TPO: variants seen among roughly 807,000 people sequenced by gnomAD.
TPO encodes the protein thyroid microsomal antigen.
A neutral mutation model predicts 96.9 loss-of-function variants in TPO; 78 were observed. The observed-to-expected ratio is 0.81, with a 90% CI of 0.67 to 0.97. The LOEUF is 0.97. Among genes scored for constraint, TPO ranks in the 50% least tolerant of loss-of-function variants. The probability of loss-of-function intolerance (pLI) is 0.00; values close to 1 mark genes in which losing one functional copy is unlikely to be tolerated. For synonymous variants in TPO, 547 were observed against 538.0 expected (o/e 1.02, Z -0.23); for missense variants, 1,252 against 1,274.8 (o/e 0.98, Z 0.27).
chr2:1,536,776 T>C (rs1277419395), intron 15 of TPO, among the ~76,000 whole-genome samples: 8 of 79,054 alleles, frequency 1.0e-4, no homozygotes, highest in African/African-American at 3.4e-4. Flanking sequence ...CTCTGTGTAA[T>C]CTCCCCAAAT....
intron 5 of TPO, among the ~76,000 whole-genome samples, chr2:1,453,457 T>A (rs539808452): frequency 2.3e-4 from 35 of 152,124 alleles, no homozygotes; most frequent in African/African-American, 7.7e-4. Flanking sequence ...CCAGACAGCA[T>A]GTGCTGAGCT....
intron 7 of TPO, among the ~76,000 whole-genome samples, chr2:1,465,645 A>AT (rs964729349): frequency 6.6e-6 from 1 of 150,980 alleles, no homozygotes. Context: ...TAAGTATTTT[A>AT]TTTTTTTCAG....
intron 2 of TPO, among the ~76,000 whole-genome samples, chr2:1,422,458 A>G (rs566272078): frequency 2.8e-5 from 2 of 71,130 alleles, no homozygotes; most frequent in Non-Finnish European, 5.5e-5. Context: ...TTAGGAGCCA[A>G]TTCATTCCTT....
intron 2 of TPO, among the ~76,000 whole-genome samples, chr2:1,421,328 C>T (rs1297499002): frequency 6.6e-6 from 1 of 152,234 alleles, no homozygotes; most frequent in Non-Finnish European, 1.5e-5. Context: ...TCAGAGCACA[C>T]TTGCGAGGCC....
intron 5 of TPO, among the ~76,000 whole-genome samples, chr2:1,444,704 G>GA (rs1666593628): frequency 8.5e-5 from 2 of 23,606 alleles, no homozygotes. Flanking sequence ...GAAGGGAATG[G>GA]GCAGGCTCCT....
At position 1,484,861 on chromosome 2, in the gene TPO, G is replaced by A. The variant is rs749521973; in HGVS notation, c.1597+7G>A. ...TGGACATTACTCCGTGGAGGTGAGT[G>A]AGTGCGGTCCCTGCAGCTGGTCCCC... On this transcript the variant is annotated splice_region_variant and intron_variant, in intron 9 of 16. Coordinates refer to ENST00000329066, the MANE Select transcript of TPO (RefSeq NM_001206744.2). 13 of 1,613,514 alleles carry A rather than the reference G, an allele frequency of 8.1e-6. No individual in the cohort carries two copies. The highest frequency in any genetic ancestry group is 1.1e-5 in the Non-Finnish European group (13 of 1,180,028).
chr2:1,426,384 T>A (rs1192816371), intron 3 of TPO, among the ~76,000 whole-genome samples: 1 of 150,786 alleles, frequency 6.6e-6, no homozygotes, highest in African/African-American at 2.4e-5. Flanking sequence ...TTTTTCTAGA[T>A]GCCGGGATAC....
rs1673416621 is a variant in TPO at position 1,506,008 on chromosome 2, G to T, written c.2518+1929G>T. ...GGTATATCTCCTAATTTAACATTTG[G>T]TATATCTCCTAATGCTATCCTTCCC... On this transcript the variant is annotated intron_variant, in intron 14 of 16. Coordinates refer to ENST00000329066, the MANE Select transcript of TPO (RefSeq NM_001206744.2). 2.2e-5 allele frequency among the ~76,000 whole-genome samples: 3 copies of T among 139,336 alleles called. 1 individual carries two copies. In the South Asian group the frequency reaches 6.6e-4, roughly 31 times the overall value. The allele number at this position is 139,336 out of a possible 152,430, so 91.4% of individuals were successfully genotyped here. A position where few individuals can be genotyped will look rare whatever the true frequency, so the allele number is the denominator to read the frequency against.
At chr2:1,540,987 C>T (rs1192854465) in intron 16 of TPO, 1 of 1,442,626 alleles carries the variant, frequency 6.9e-7, no homozygotes. Context: ...CAGGCGTTTG[C>T]TTCCACTTAA....
At position 1,540,303 on chromosome 2, in the gene TPO, C is replaced by G. The variant is rs374437548; in HGVS notation, c.2619-291C>G. The stretch of plus-strand genomic sequence containing the variant: ...ACTGGGGGGAAATCCTCACTGCAGC[C>G]CGCGTCCCTTGCATGATTGTTGTAA... On this transcript the variant is annotated intron_variant, in intron 15 of 16. Transcript: ENST00000329066. 4.9e-4 allele frequency among the ~76,000 whole-genome samples: 75 copies of G among 152,316 alleles called. 2 individuals are homozygous for G. In the South Asian group the frequency reaches 0.015, roughly 31 times the overall value.
At chr2:1,493,356 C>T (rs2048721) in intron 10 of TPO, among the ~76,000 whole-genome samples, 77,714 of 151,860 alleles carry the variant, frequency 0.51, 20,564 homozygotes, top group African/African-American at 0.65. Context: ...TTAGATGTCA[C>T]GGACTCAGCA....
chr2:1,473,301 C>G (rs1202291560), intron 7 of TPO, among the ~76,000 whole-genome samples: 3 of 152,122 alleles, frequency 2.0e-5, no homozygotes, highest in African/African-American at 7.2e-5. Flanking sequence ...GATGGAAAAC[C>G]AGCTGGTTCT....
chr2:1,458,651 G>T (rs1369978297), intron 7 of TPO, among the ~76,000 whole-genome samples: 1 of 152,164 alleles, frequency 6.6e-6, no homozygotes, highest in East Asian at 1.9e-4. Flanking sequence ...GTGGGCACGT[G>T]TGTAAATAGA....
In TPO at chr2:1,540,696, G is replaced by C; in HGVS notation, c.2721G>C (p.Gln907His). 1 of 1,613,368 alleles carries C rather than the reference G, an allele frequency of 6.2e-7. No homozygotes were observed. The highest frequency in any genetic ancestry group is 1.1e-5 in the South Asian group (1 of 91,066). The change falls in exon 16 of 17, where the codon CAG becomes CAC. Residue 907 changes from glutamine to histidine, a missense_variant. By Grantham distance (24) the Gln-to-His change is conservative (BLOSUM62 0). Transcript: ENST00000329066. ...GKHQAVGTSP[Q>H]RAAAQDSEQE... Reference sequence around the variant, plus strand: ...ACCAGGCCGTAGGGACCTCACCGCAGCGGGCCGCAGCTCAGGACTCGGAGC... The same window carrying C: ...ACCAGGCCGTAGGGACCTCACCGCACCGGGCCGCAGCTCAGGACTCGGAGC...
chr2:1,402,444 A>C (rs1662187563), intron 1 of TPO, among the ~76,000 whole-genome samples: 1 of 152,162 alleles, frequency 6.6e-6, no homozygotes, highest in Non-Finnish European at 1.5e-5. Flanking sequence ...GGGAGCCAAC[A>C]CGGAGCCAAG....
At chr2:1,410,149 A>C (rs898915031), upstream of TPO, among the ~76,000 whole-genome samples, 1 of 152,220 alleles carries the variant, frequency 6.6e-6, no homozygotes, top group Non-Finnish European at 1.5e-5. Context: ...ACACAAAAGG[A>C]TGAATACGTG....
intron 1 of TPO, among the ~76,000 whole-genome samples, chr2:1,390,484 A>C (rs1388556004): frequency 6.6e-6 from 1 of 152,216 alleles, no homozygotes; most frequent in African/African-American, 2.4e-5. Context: ...GTGCTGCAAT[A>C]GACATACGTG....
At position 1,540,503 on chromosome 2, in the gene TPO, G is replaced by A. The variant is rs1450275071; in HGVS notation, c.2619-91G>A. 10 of 1,599,352 alleles carry A rather than the reference G, an allele frequency of 6.3e-6. No individual in the cohort carries two copies. The African/African-American group carries it at 1.2e-4, about 19-fold the overall frequency. ...AGTGTTCCTGCCAAAGACAAGCACG[G>A]CTGCCTTGCCGTCGCTCGTGCCGTG... is the stretch of plus-strand genomic sequence containing the variant. On this transcript the variant is annotated intron_variant, in intron 15 of 16. Coordinates refer to ENST00000329066, the MANE Select transcript of TPO (RefSeq NM_001206744.2).
upstream of TPO, among the ~76,000 whole-genome samples, chr2:1,410,344 T>C (rs1325247080): frequency 6.6e-6 from 1 of 152,212 alleles, no homozygotes; most frequent in Non-Finnish European, 1.5e-5. Flanking sequence ...AGGCTGTAGT[T>C]TGAAGAACAC....
Sources: allele counts gnomAD v4.1 joint callset (sites outside exome capture counted in the v4.1 genomes callset), GRCh38; gene constraint gnomAD v4.1.1; transcripts MANE v1.5; gene names NCBI Gene and HGNC (gene_info 2026-07-23, HGNC 2026-07-21).